Variants in RAD51B observed in about 807,000 individuals in gnomAD.
RAD51B encodes the protein DNA repair protein RAD51 homolog 2.
In RAD51B, 38 loss-of-function variants were observed where a neutral mutation model predicts 42.2. The observed-to-expected ratio is 0.90, with a 90% CI of 0.70 to 1.18. The LOEUF (loss-of-function observed/expected upper bound fraction) is 1.18, where lower values mean the gene tolerates loss of function less well. Ranked by LOEUF, RAD51B falls within the 50% of genes most tolerant of loss-of-function variation. The probability of loss-of-function intolerance (pLI) is 0.00; values close to 1 mark genes in which losing one functional copy is unlikely to be tolerated. For missense variants in RAD51B, 373 were observed against 400.7 expected, an observed-to-expected ratio of 0.93 and a Z score of 0.59; for synonymous variants, 154 against 145.2, an observed-to-expected ratio of 1.06 and a Z score of -0.43.
intron 7 of RAD51B, among the ~76,000 whole-genome samples, chr14:68,264,017 C>A (rs1374080897): frequency 6.6e-6 from 1 of 152,226 alleles, no homozygotes; most frequent in African/African-American, 2.4e-5. Flanking sequence ...CCCCAAAACA[C>A]AAAAGTGAAC....
At chr14:67,853,226 C>G (rs909846535) in intron 4 of RAD51B, among the ~76,000 whole-genome samples, 74 of 152,314 alleles carry the variant, frequency 4.9e-4, no homozygotes, top group African/African-American at 1.7e-3. Flanking sequence ...GAAGTTGATT[C>G]TTACTCCCAA....
chr14:68,078,854 A>T (rs1276781157), intron 7 of RAD51B, among the ~76,000 whole-genome samples: 2 of 152,054 alleles, frequency 1.3e-5, no homozygotes, highest in Non-Finnish European at 2.9e-5. Context: ...GTTGGGTGTG[A>T]TAGCTTGTGC....
At chr14:68,040,536 T>TG (rs893819914) in intron 7 of RAD51B, among the ~76,000 whole-genome samples, 3 of 152,216 alleles carry the variant, frequency 2.0e-5, no homozygotes, top group African/African-American at 7.2e-5. Flanking sequence ...TTACCACCAA[T>TG]GGTATGTCTA....
chr14:68,444,293 G>T (rs2085369568), intron 9 of RAD51B, among the ~76,000 whole-genome samples: 1 of 152,206 alleles, frequency 6.6e-6, no homozygotes, highest in Non-Finnish European at 1.5e-5. Context: ...GTATTCTCTT[G>T]TGCGAAGTCC....
intron 3 of RAD51B, among the ~76,000 whole-genome samples, chr14:67,834,404 G>A (rs543881960): frequency 4.0e-5 from 6 of 150,822 alleles, no homozygotes; most frequent in Non-Finnish European, 5.9e-5. Flanking sequence ...GGGGTGGGGG[G>A]TCATTTCTCA....
At chr14:68,452,969 T>G (rs935656693) in intron 9 of RAD51B, among the ~76,000 whole-genome samples, 37 of 152,308 alleles carry the variant, frequency 2.4e-4, no homozygotes, top group African/African-American at 8.2e-4. Flanking sequence ...TAGCCCCCTA[T>G]AACCATGACT....
chr14:68,585,809 G>C (rs1890435791), intron 10 of RAD51B, among the ~76,000 whole-genome samples: 1 of 152,196 alleles, frequency 6.6e-6, no homozygotes, highest in South Asian at 2.1e-4. Context: ...GACTTTCTCT[G>C]TTTCTGGTAG....
At chr14:68,448,199 T>C (rs1325240490) in intron 9 of RAD51B, among the ~76,000 whole-genome samples, 1 of 152,172 alleles carries the variant, frequency 6.6e-6, no homozygotes, top group Non-Finnish European at 1.5e-5. Flanking sequence ...GGGGAGAGCT[T>C]ACGGGTTATA....
At chr14:68,152,207 C>T (rs1485640486) in intron 7 of RAD51B, among the ~76,000 whole-genome samples, 1 of 152,050 alleles carries the variant, frequency 6.6e-6, no homozygotes, top group African/African-American at 2.4e-5. Context: ...ACATAATTTG[C>T]TGCATGAATG....
At chr14:67,825,078 CAAAAAAAAAAAAAAAAA>C (rs56227529) in intron 2 of RAD51B, among the ~76,000 whole-genome samples, 1 of 50,534 alleles carries the variant, frequency 2.0e-5, no homozygotes, top group African/African-American at 9.0e-5. Flanking sequence ...ACTCTTGTCT[CAAAAAAAAAAAAAAAAA>C]AAAAAAAAAA....
At position 68,212,666 on chromosome 14, in the gene RAD51B, C is replaced by T. The variant is rs373271823; in HGVS notation, c.757-79218C>T. Reference sequence around the variant, plus strand: ...ATGGAAAATGGCACTGGACACTATCCTAATTTTGAAGAAATGGAGTGAAGA... The same window carrying T: ...ATGGAAAATGGCACTGGACACTATCTTAATTTTGAAGAAATGGAGTGAAGA... On this transcript the variant is annotated intron_variant, in intron 7 of 10. Coordinates refer to ENST00000471583, the MANE Select transcript of RAD51B (RefSeq NM_133510.4). Among the ~76,000 whole-genome samples, 25 of 152,258 alleles carry T rather than the reference C, an allele frequency of 1.6e-4. 1 individual carries two copies. The South Asian group carries it at 5.2e-3, about 32-fold the overall frequency.
At chr14:68,607,853 G>C (rs1180495141) in intron 10 of RAD51B, among the ~76,000 whole-genome samples, 1 of 152,124 alleles carries the variant, frequency 6.6e-6, no homozygotes, top group Non-Finnish European at 1.5e-5. Context: ...TCGATTACCC[G>C]GGAGGACAGG....
intron 7 of RAD51B, among the ~76,000 whole-genome samples, chr14:67,962,133 A>G (rs1332555757): frequency 1.3e-5 from 2 of 152,198 alleles, no homozygotes; most frequent in East Asian, 3.9e-4. Flanking sequence ...TAAAAATTTA[A>G]TGGTTTGGAG....
At chr14:68,319,921 T>A (rs562919644) in intron 8 of RAD51B, among the ~76,000 whole-genome samples, 1 of 152,322 alleles carries the variant, frequency 6.6e-6, no homozygotes, top group African/African-American at 2.4e-5. Flanking sequence ...ATGAGACAGA[T>A]ACTGTTATCT....
At chr14:68,169,493 A>G (rs1376693871) in intron 7 of RAD51B, among the ~76,000 whole-genome samples, 2 of 151,768 alleles carry the variant, frequency 1.3e-5, no homozygotes, top group African/African-American at 4.9e-5. Flanking sequence ...TTAATGTTTT[A>G]TATCGTAAGT....
chr14:68,510,828 T>A (rs750574769), intron 10 of RAD51B, among the ~76,000 whole-genome samples: 2 of 152,138 alleles, frequency 1.3e-5, no homozygotes, highest in Non-Finnish European at 2.9e-5. Flanking sequence ...CCTAGGATCA[T>A]TGAAAAGAAA....
chr14:68,411,814 A>G (rs979174561), intron 9 of RAD51B, among the ~76,000 whole-genome samples: 2 of 152,224 alleles, frequency 1.3e-5, no homozygotes, highest in African/African-American at 2.4e-5. Context: ...CCAATTCTCT[A>G]TCTCTAAATG....
intron 7 of RAD51B, among the ~76,000 whole-genome samples, chr14:68,102,765 G>C (rs994148458): frequency 1.3e-5 from 2 of 152,002 alleles, no homozygotes; most frequent in African/African-American, 4.8e-5. Context: ...ACATTCTTGG[G>C]TATCCTTATA....
At chr14:68,533,735 A>C (rs773837959) in intron 10 of RAD51B, among the ~76,000 whole-genome samples, 191 of 152,350 alleles carry the variant, frequency 1.3e-3, no homozygotes, top group Non-Finnish European at 2.0e-3. Context: ...GGAAAAAAAA[A>C]TGTAGCCTTT....
Sources: allele counts gnomAD v4.1 joint callset (sites outside exome capture counted in the v4.1 genomes callset), GRCh38; gene constraint gnomAD v4.1.1; transcripts MANE v1.5; gene names NCBI Gene and HGNC (gene_info 2026-07-23, HGNC 2026-07-21).